The following EPHB1 variants were observed in gnomAD, a reference collection of about 807,000 sequenced individuals.
EPHB1 encodes the protein ephrin type-B receptor 1.
Under a neutral mutation model 94.4 loss-of-function variants are expected in EPHB1, and 30 were observed. The observed-to-expected ratio is 0.32, with a 90% CI of 0.24 to 0.43. EPHB1 has a LOEUF of 0.43. EPHB1 is among the 20% of genes least tolerant of loss of function. The pLI is 1.00. For synonymous variants in EPHB1, 522 were observed against 489.1 expected, an observed-to-expected ratio of 1.07 and a Z score of -0.89; for missense variants, 1,055 against 1,308.3, an observed-to-expected ratio of 0.81 and a Z score of 2.99.
chr3:135,259,578 C>G lies in EPHB1; in HGVS notation c.*458C>G, dbSNP rs748977692. On this transcript the variant is annotated 3_prime_UTR_variant, in exon 16 of 16. Transcript: ENST00000398015. ...AGAGTCCCCTCCCTTCTCCCACACT[C>G]GTTTCCCTTTGCTCATGACTCCTGT... 1.5e-5 allele frequency: 3 copies of G among 196,522 alleles called. No individual in the cohort carries two copies. Among genetic ancestry groups the G allele is most frequent in the Admixed American group, 6.1e-5 (1 of 16,464 alleles). The allele number at this position is 196,522 out of a possible 1,614,324, so 12.2% of individuals were successfully genotyped here.
At chr3:135,003,115 T>TA (rs1352138335) in intron 3 of EPHB1, among the ~76,000 whole-genome samples, 2 of 151,942 alleles carry the variant, frequency 1.3e-5, no homozygotes, top group African/African-American at 4.8e-5. Context: ...AATTTCCCTC[T>TA]ACACACTGCT....
At chr3:135,215,148 GTTTTCTTTTTTTCTT>G (rs1320403674) in intron 12 of EPHB1, among the ~76,000 whole-genome samples, 2 of 151,840 alleles carry the variant, frequency 1.3e-5, no homozygotes, top group East Asian at 3.9e-4. Flanking sequence ...CAGATGTACA[GTTTTCTTTTTTTCTT>G]TTTTCTTTTT....
At chr3:134,841,960 A>G (rs1320260038) in intron 1 of EPHB1, among the ~76,000 whole-genome samples, 2 of 152,334 alleles carry the variant, frequency 1.3e-5, no homozygotes, top group South Asian at 2.1e-4. Context: ...AGGGGACATC[A>G]TAGACATCCC....
At chr3:134,972,323 A>AGT (rs1241552369) in intron 3 of EPHB1, among the ~76,000 whole-genome samples, 1 of 88,950 alleles carries the variant, frequency 1.1e-5, no homozygotes, top group African/African-American at 9.6e-5. Context: ...TTTCTCTAAG[A>AGT]GTGTGTGTGT....
At chr3:134,836,860 C>T (rs185411420) in intron 1 of EPHB1, among the ~76,000 whole-genome samples, 96 of 152,238 alleles carry the variant, frequency 6.3e-4, no homozygotes, top group South Asian at 1.9e-3. Flanking sequence ...TTTTAATTCC[C>T]TAGTGATTAA....
At chr3:135,249,850 T>C (rs1298361820) in intron 15 of EPHB1, among the ~76,000 whole-genome samples, 1 of 152,178 alleles carries the variant, frequency 6.6e-6, no homozygotes, top group Admixed American at 6.5e-5. Flanking sequence ...GGAAAAGCAT[T>C]GCACTGATTC....
At chr3:135,134,285 C>G (rs946494878) in intron 5 of EPHB1, among the ~76,000 whole-genome samples, 5 of 152,234 alleles carry the variant, frequency 3.3e-5, no homozygotes, top group East Asian at 1.9e-4. Flanking sequence ...TGTATCTCCC[C>G]CTCCCTGACC....
intron 1 of EPHB1, among the ~76,000 whole-genome samples, chr3:134,821,851 C>A (rs2108290175): frequency 6.6e-6 from 1 of 152,270 alleles, no homozygotes; most frequent in South Asian, 2.1e-4. Context: ...CTCAATCTCC[C>A]TTTTTTCCAA....
chr3:135,148,148 C>T (rs936755472), intron 5 of EPHB1, among the ~76,000 whole-genome samples: 2 of 152,118 alleles, frequency 1.3e-5, no homozygotes, highest in Non-Finnish European at 2.9e-5. Flanking sequence ...TGTATTAAAA[C>T]TTAGTAATTG....
chr3:134,935,788 T>C (rs1349818797), intron 2 of EPHB1, among the ~76,000 whole-genome samples: 3 of 151,804 alleles, frequency 2.0e-5, no homozygotes, highest in Non-Finnish European at 2.9e-5. Flanking sequence ...ATGAACAATG[T>C]CAGAGAGCAC....
intron 3 of EPHB1, among the ~76,000 whole-genome samples, chr3:134,981,062 G>C (rs1934384686): frequency 1.3e-5 from 2 of 152,176 alleles, no homozygotes; most frequent in South Asian, 4.1e-4. Flanking sequence ...GATCATCTTT[G>C]TTGTACCAAA....
intron 1 of EPHB1, among the ~76,000 whole-genome samples, chr3:134,857,352 T>G (rs1007950986): frequency 6.6e-6 from 1 of 152,190 alleles, no homozygotes; most frequent in Non-Finnish European, 1.5e-5. Flanking sequence ...CCTGGGCTTC[T>G]CCTGCTAGCT....
chr3:135,001,707 G>T (rs1234203029), intron 3 of EPHB1, among the ~76,000 whole-genome samples: 2 of 152,070 alleles, frequency 1.3e-5, no homozygotes, highest in Non-Finnish European at 2.9e-5. Flanking sequence ...TGCTGCTGCT[G>T]CTTCCTTCTT....
At chr3:134,989,984 C>CT (rs201660022) in intron 3 of EPHB1, among the ~76,000 whole-genome samples, 4 of 152,014 alleles carry the variant, frequency 2.6e-5, no homozygotes, top group Admixed American at 6.6e-5. Flanking sequence ...CTTTTAATTT[C>CT]TTTTTTTATT....
intron 1 of EPHB1, among the ~76,000 whole-genome samples, chr3:134,902,509 A>G (rs906680147): frequency 1.1e-4 from 17 of 152,232 alleles, no homozygotes; most frequent in African/African-American, 4.1e-4. Context: ...TATATGCAAT[A>G]AAAGGAAATT....
chr3:134,851,535 A>T (rs775649823), intron 1 of EPHB1, among the ~76,000 whole-genome samples: 2 of 151,900 alleles, frequency 1.3e-5, no homozygotes, highest in Non-Finnish European at 2.9e-5. Flanking sequence ...CTTTGTATGC[A>T]TTGGTTTGCA....
intron 1 of EPHB1, among the ~76,000 whole-genome samples, chr3:134,813,716 C>CTCAG (rs1395759931): frequency 3.3e-5 from 5 of 152,156 alleles, no homozygotes; most frequent in Non-Finnish European, 5.9e-5. Context: ...CAATGACAGT[C>CTCAG]TCAGGATTCT....
intron 12 of EPHB1, among the ~76,000 whole-genome samples, chr3:135,216,160 C>T (rs771617659): frequency 2.0e-5 from 3 of 152,142 alleles, no homozygotes; most frequent in African/African-American, 4.8e-5. Flanking sequence ...CCAGCCATCA[C>T]GTTGTCTGAG....
chr3:134,884,063 A>G (rs550923315), intron 1 of EPHB1, among the ~76,000 whole-genome samples: 56 of 152,322 alleles, frequency 3.7e-4, no homozygotes, highest in African/African-American at 1.3e-3. Context: ...CATCCGTGCT[A>G]GAGCTGTGTG....
Sources: allele counts gnomAD v4.1 joint callset (sites outside exome capture counted in the v4.1 genomes callset), GRCh38; gene constraint gnomAD v4.1.1; transcripts MANE v1.5; gene names NCBI Gene and HGNC (gene_info 2026-07-23, HGNC 2026-07-21).